TMEM135: variants seen among roughly 807,000 people sequenced by gnomAD.
The protein encoded by TMEM135 is transmembrane protein 135.
TMEM135 carries 30 observed loss-of-function variants against 60.3 expected under a neutral mutation model. The observed-to-expected ratio is 0.50, with a 90% confidence interval of 0.37 to 0.68. The LOEUF (loss-of-function observed/expected upper bound fraction) is 0.68. Among genes scored for constraint, TMEM135 ranks in the 30% least tolerant of loss-of-function variants. The pLI, the probability that TMEM135 is intolerant of heterozygous loss-of-function variation, is 0.00. For missense variants in TMEM135, 468 were observed against 548.8 expected, an observed-to-expected ratio of 0.85 and a Z score of 1.47; for synonymous variants, 190 against 186.7, an observed-to-expected ratio of 1.02 and a Z score of -0.14.
chr11:87,173,717 T>C (rs2135292824), intron 5 of TMEM135, among the ~76,000 whole-genome samples: 1 of 152,338 alleles, frequency 6.6e-6, no homozygotes, highest in East Asian at 1.9e-4. Flanking sequence ...GGAGATCTTA[T>C]GTTTATTTAT....
At chr11:87,068,709 G>C (rs1026874774) in intron 2 of TMEM135, among the ~76,000 whole-genome samples, 1 of 151,368 alleles carries the variant, frequency 6.6e-6, no homozygotes, top group South Asian at 2.1e-4. Context: ...TACTCGGGAG[G>C]CTGAGCCAGG....
At chr11:87,173,887 G>C (rs1471894763) in intron 5 of TMEM135, among the ~76,000 whole-genome samples, 1 of 152,116 alleles carries the variant, frequency 6.6e-6, no homozygotes, top group Non-Finnish European at 1.5e-5. Flanking sequence ...GCGCTCTGCT[G>C]TCTAGTGCCA....
At chr11:87,058,282 G>A (rs897168017) in intron 1 of TMEM135, among the ~76,000 whole-genome samples, 2 of 152,018 alleles carry the variant, frequency 1.3e-5, no homozygotes, top group South Asian at 4.2e-4. Flanking sequence ...ATTAAACATG[G>A]TATACAGAAA....
At chr11:87,116,024 G>A (rs1428137468) in intron 4 of TMEM135, among the ~76,000 whole-genome samples, 5 of 151,744 alleles carry the variant, frequency 3.3e-5, no homozygotes, top group Non-Finnish European at 5.9e-5. Flanking sequence ...CCAAATCTTA[G>A]GATTAAAAAA....
At chr11:87,282,285 T>C (rs555927079) in intron 6 of TMEM135, among the ~76,000 whole-genome samples, 1 of 152,076 alleles carries the variant, frequency 6.6e-6, no homozygotes, top group Admixed American at 6.6e-5. Context: ...TCTTTTTGAG[T>C]TGGAGTTTTG....
intron 6 of TMEM135, among the ~76,000 whole-genome samples, chr11:87,266,841 T>G (rs1319145658): frequency 2.6e-5 from 4 of 152,258 alleles, no homozygotes; most frequent in Admixed American, 2.6e-4. Flanking sequence ...ATGACAGGTT[T>G]ACCTGGGCTG....
Position 87,184,490 on chromosome 11 carries a change from G to A in TMEM135, c.462+27084G>A, listed in dbSNP as rs1174163089. Among the ~76,000 whole-genome samples, 5 of 152,062 alleles carry A rather than the reference G, an allele frequency of 3.3e-5. No individual in the cohort carries two copies. In the East Asian group the frequency reaches 9.6e-4, roughly 29 times the overall value. On this transcript the variant is annotated intron_variant, in intron 5 of 14. Transcript: ENST00000305494. Reference sequence around the variant, plus strand: ...ATTACTTTAGGTCTTTAAAAACAAAGACAATACATAGTGAATTTTAGAACT... The same window carrying A: ...ATTACTTTAGGTCTTTAAAAACAAAAACAATACATAGTGAATTTTAGAACT...
intron 4 of TMEM135, among the ~76,000 whole-genome samples, chr11:87,094,229 G>A (rs1475051592): frequency 6.6e-6 from 1 of 152,130 alleles, no homozygotes; most frequent in Non-Finnish European, 1.5e-5. Context: ...GAATGTCAAT[G>A]TAAACTTTAT....
intron 6 of TMEM135, 55 bp from the exon 7 acceptor site, chr11:87,295,727 G>A: frequency 7.0e-7 from 1 of 1,429,592 alleles, no homozygotes; most frequent in South Asian, 1.3e-5. Flanking sequence ...AAATTGAATA[G>A]GTACTTGTAT....
At chr11:87,261,411 A>G (rs1015447826) in intron 6 of TMEM135, among the ~76,000 whole-genome samples, 9 of 152,318 alleles carry the variant, frequency 5.9e-5, no homozygotes, top group Admixed American at 5.2e-4. Context: ...TTCTTATCCA[A>G]AATTTCTCGT....
chr11:87,288,688 T>C (rs1023635515), intron 6 of TMEM135, among the ~76,000 whole-genome samples: 7 of 152,208 alleles, frequency 4.6e-5, no homozygotes, highest in Non-Finnish European at 8.8e-5. Context: ...TACAAGGATA[T>C]TGAGCCCTAA....
chr11:87,295,877 A>G (rs1212549220), intron 7 of TMEM135, 54 bp downstream of exon 7: 1 of 1,373,884 alleles, frequency 7.3e-7, no homozygotes, highest in Non-Finnish European at 1.0e-6. Flanking sequence ...AACTTAAAAA[A>G]TTATACATAA....
At chr11:87,289,808 T>G (rs1385957747) in intron 6 of TMEM135, among the ~76,000 whole-genome samples, 1 of 152,206 alleles carries the variant, frequency 6.6e-6, no homozygotes, top group Non-Finnish European at 1.5e-5. Context: ...GAGTATTTTC[T>G]GTTCTACTTT....
chr11:87,106,433 T>TTTAATGTATTAA (rs1244004666), intron 4 of TMEM135, among the ~76,000 whole-genome samples: 1 of 152,176 alleles, frequency 6.6e-6, no homozygotes, highest in East Asian at 1.9e-4. Flanking sequence ...GAAATATTCT[T>TTTAATGTATTAA]TTAATGTATT....
intron 4 of TMEM135, among the ~76,000 whole-genome samples, chr11:87,152,912 C>G (rs540927265): frequency 3.3e-5 from 5 of 152,242 alleles, no homozygotes; most frequent in Admixed American, 3.3e-4. Flanking sequence ...ATTGATAGTT[C>G]TTACCTATAC....
At chr11:87,249,809 G>A (rs1012636770) in intron 6 of TMEM135, among the ~76,000 whole-genome samples, 2 of 152,054 alleles carry the variant, frequency 1.3e-5, no homozygotes, top group Admixed American at 1.3e-4. Flanking sequence ...TTTGATATCA[G>A]GGTACTATTG....
intron 5 of TMEM135, among the ~76,000 whole-genome samples, chr11:87,206,127 A>G (rs1406516512): frequency 3.3e-5 from 5 of 152,192 alleles, no homozygotes; most frequent in Non-Finnish European, 7.4e-5. Flanking sequence ...CTTTGTAATA[A>G]CATTTTATGA....
At chr11:87,228,113 A>T (rs551716535) in intron 5 of TMEM135, among the ~76,000 whole-genome samples, 84 of 152,314 alleles carry the variant, frequency 5.5e-4, no homozygotes, top group African/African-American at 1.9e-3. Context: ...CACCTATAGG[A>T]TGAAGTGTAA....
At chr11:87,288,891 G>A (rs1031479375) in intron 6 of TMEM135, among the ~76,000 whole-genome samples, 2 of 152,318 alleles carry the variant, frequency 1.3e-5, no homozygotes, top group East Asian at 3.9e-4. Flanking sequence ...TTGGGAGGCC[G>A]AGGTGGGAGG....
Sources: allele counts gnomAD v4.1 joint callset (sites outside exome capture counted in the v4.1 genomes callset), GRCh38; gene constraint gnomAD v4.1.1; transcripts MANE v1.5; gene names NCBI Gene and HGNC (gene_info 2026-07-23, HGNC 2026-07-21).